Variants in TENM2 observed in about 807,000 individuals in gnomAD.
TENM2 encodes teneurin transmembrane protein 2.
Under a neutral mutation model 245.2 loss-of-function variants are expected in TENM2, and 52 were observed. The observed-to-expected ratio is 0.21, with a 90% confidence interval of 0.17 to 0.27. The LOEUF is 0.27. Among genes scored for constraint, TENM2 ranks in the 10% least tolerant of loss-of-function variants. TENM2 has a pLI of 1.00. For synonymous variants in TENM2, 1,363 were observed against 1,438.9 expected, an observed-to-expected ratio of 0.95 and a Z score of 1.19; for missense variants, 3,046 against 3,666.8, an observed-to-expected ratio of 0.83 and a Z score of 4.37.
intron 4 of TENM2, among the ~76,000 whole-genome samples, chr5:167,957,178 C>T (rs1029548140): frequency 7.2e-5 from 11 of 151,996 alleles, no homozygotes; most frequent in South Asian, 2.1e-4. Context: ...TTCAGGGATT[C>T]GACTTCTTCC....
At chr5:167,017,714 A>T in the TENM2 span, among the ~76,000 whole-genome samples, 1 of 152,312 alleles carries the variant, frequency 6.6e-6, no homozygotes, top group East Asian at 1.9e-4. Context: ...TAACTATTAA[A>T]GCTTTAGATT....
At chr5:167,099,399 G>T in the TENM2 span, among the ~76,000 whole-genome samples, 1 of 152,232 alleles carries the variant, frequency 6.6e-6, no homozygotes, top group Non-Finnish European at 1.5e-5. Context: ...CAGATTTGTA[G>T]AATACAATAA....
At chr5:167,122,845 T>C in the TENM2 span, among the ~76,000 whole-genome samples, 5 of 152,184 alleles carry the variant, frequency 3.3e-5, no homozygotes, top group Admixed American at 3.3e-4. Context: ...GTTTCTGATG[T>C]GGAGCTATAA....
At chr5:167,505,879 C>A (rs149699586) in intron 2 of TENM2, among the ~76,000 whole-genome samples, 53 of 152,172 alleles carry the variant, frequency 3.5e-4, no homozygotes, top group African/African-American at 1.1e-3. Context: ...GTCTGTCTTA[C>A]GGAATTGCTA....
chr5:167,208,116 T>C, the TENM2 span, among the ~76,000 whole-genome samples: 2 of 152,342 alleles, frequency 1.3e-5, no homozygotes, highest in South Asian at 2.1e-4. Context: ...CATCCTTTTG[T>C]AATGTGTAAT....
intron 2 of TENM2, among the ~76,000 whole-genome samples, chr5:167,545,201 A>T (rs145812202): frequency 1.6e-4 from 25 of 152,312 alleles, no homozygotes; most frequent in Admixed American, 6.5e-4. Flanking sequence ...CTAAATGAAC[A>T]TAATACTGCC....
chr5:167,785,690 A>G (rs377732945), intron 2 of TENM2, among the ~76,000 whole-genome samples: 6 of 152,352 alleles, frequency 3.9e-5, no homozygotes, highest in East Asian at 1.9e-4. Flanking sequence ...CTGCTCTGCC[A>G]TAATAAACTG....
intron 2 of TENM2, among the ~76,000 whole-genome samples, chr5:167,763,164 G>A (rs1018459759): frequency 6.6e-6 from 1 of 152,204 alleles, no homozygotes; most frequent in African/African-American, 2.4e-5. Flanking sequence ...AAGGCTCACT[G>A]CTTAGAGAAA....
chr5:167,016,703 C>A, the TENM2 span, among the ~76,000 whole-genome samples: 4 of 152,150 alleles, frequency 2.6e-5, no homozygotes, highest in Non-Finnish European at 5.9e-5. Flanking sequence ...GGCACAGAAA[C>A]ACATATGCTA....
chr5:167,684,913 G>T (rs988768052), intron 2 of TENM2, among the ~76,000 whole-genome samples: 3 of 152,138 alleles, frequency 2.0e-5, no homozygotes, highest in African/African-American at 7.2e-5. Context: ...TGAGCCTAAA[G>T]GTACATTGCT....
intron 2 of TENM2, among the ~76,000 whole-genome samples, chr5:167,724,465 C>T (rs984757894): frequency 3.3e-5 from 5 of 151,962 alleles, no homozygotes; most frequent in African/African-American, 1.2e-4. Flanking sequence ...TATTTAGGTG[C>T]TAGGGAAAGA....
Position 168,171,469 on chromosome 5 carries a change from GA to G in TENM2, c.2569+8714del, listed in dbSNP as rs565461467. On this transcript the variant is annotated intron_variant, in intron 13 of 28. Coordinates refer to ENST00000518659, the Ensembl canonical transcript of TENM2. ...TCTGAAGAAGATTCAAACAAGTACA[GA>G]ATGTGTGCTGCTGCAAGGAAGCCTT... Among the ~76,000 whole-genome samples, 3 of 152,232 alleles carry G rather than the reference GA, an allele frequency of 2.0e-5. No individual in the cohort carries two copies. In the East Asian group the frequency reaches 5.8e-4, roughly 29 times the overall value.
intron 2 of TENM2, among the ~76,000 whole-genome samples, chr5:167,774,142 AAGGGAGGG>A (rs199799763): frequency 1.5e-5 from 2 of 136,416 alleles, no homozygotes; most frequent in Non-Finnish European, 3.2e-5. Context: ...TCAATAATAA[AAGGGAGGG>A]AGGGAGGGAG....
chr5:167,431,942 TATATATGTATA>T (rs1371116689), intron 2 of TENM2, among the ~76,000 whole-genome samples: 1 of 90,786 alleles, frequency 1.1e-5, no homozygotes, highest in African/African-American at 4.2e-5. Context: ...TATATATACA[TATATATGTATA>T]TATATATGTA....
intron 2 of TENM2, among the ~76,000 whole-genome samples, chr5:167,791,557 A>C (rs1764978734): frequency 7.5e-6 from 1 of 132,992 alleles, no homozygotes; most frequent in South Asian, 2.4e-4. Flanking sequence ...ATAATATATA[A>C]ATATATATAT....
intron 27 of TENM2, among the ~76,000 whole-genome samples, chr5:168,254,777 T>C (rs189402883): frequency 1.4e-3 from 220 of 152,310 alleles, no homozygotes; most frequent in African/African-American, 5.2e-3. Flanking sequence ...CCAGTTGCGG[T>C]GGCTTACGCC....
chr5:167,017,624 T>C, the TENM2 span, among the ~76,000 whole-genome samples: 2 of 152,238 alleles, frequency 1.3e-5, no homozygotes, highest in African/African-American at 4.8e-5. Flanking sequence ...CATTTTACTA[T>C]ATATTTCCAA....
intron 12 of TENM2, among the ~76,000 whole-genome samples, chr5:168,145,500 G>A (rs1470785480): frequency 1.8e-5 from 2 of 110,792 alleles, no homozygotes; most frequent in East Asian, 2.6e-4. Context: ...TAGATATGTG[G>A]CGTTATTTCT....
chr5:167,273,256 T>C, the TENM2 span, among the ~76,000 whole-genome samples: 1 of 152,136 alleles, frequency 6.6e-6, no homozygotes, highest in African/African-American at 2.4e-5. Flanking sequence ...AAATGTGGAA[T>C]GTAACAGAAT....
Sources: allele counts gnomAD v4.1 joint callset (sites outside exome capture counted in the v4.1 genomes callset), GRCh38; gene constraint gnomAD v4.1.1; transcripts MANE v1.5; gene names NCBI Gene and HGNC (gene_info 2026-07-23, HGNC 2026-07-21).